SLC25A12: variants seen among roughly 807,000 people sequenced by gnomAD.
SLC25A12 encodes solute carrier family 25 member 12, also known as electrogenic aspartate/glutamate antiporter SLC25A12, mitochondrial.
A neutral mutation model predicts 83.3 loss-of-function variants in SLC25A12; 32 were observed. That is an observed-to-expected ratio of 0.38 (90% confidence interval 0.29 to 0.52). The LOEUF (loss-of-function observed/expected upper bound fraction) is 0.52, where lower values mean the gene tolerates loss of function less well. Among genes scored for constraint, SLC25A12 ranks in the 20% least tolerant of loss-of-function variants. The pLI is 0.84. For synonymous variants in SLC25A12, 267 were observed against 291.1 expected (o/e 0.92, Z 0.84); for missense variants, 611 against 835.6 (o/e 0.73, Z 3.31).
intron 13 of SLC25A12, among the ~76,000 whole-genome samples, chr2:171,807,188 G>A (rs756337941): frequency 1.2e-4 from 19 of 152,138 alleles, no homozygotes; most frequent in African/African-American, 3.4e-4. Flanking sequence ...AGCAGAAAAC[G>A]TTTGTGGTGA....
intron 4 of SLC25A12, among the ~76,000 whole-genome samples, chr2:171,850,488 G>A (rs947496935): frequency 2.6e-5 from 4 of 151,952 alleles, no homozygotes; most frequent in African/African-American, 9.7e-5. Context: ...TGGGATTACA[G>A]GCATGCACCA....
At chr2:171,869,755 A>G (rs1685419465) in intron 2 of SLC25A12, among the ~76,000 whole-genome samples, 2 of 152,244 alleles carry the variant, frequency 1.3e-5, no homozygotes, top group South Asian at 4.1e-4. Flanking sequence ...CAGTCAACCA[A>G]CAAAGCAGTA....
At chr2:171,864,833 G>A (rs1218542669) in intron 3 of SLC25A12, among the ~76,000 whole-genome samples, 1 of 152,084 alleles carries the variant, frequency 6.6e-6, no homozygotes, top group Non-Finnish European at 1.5e-5. Flanking sequence ...TTTCAGAAGT[G>A]TTACTTTTTT....
intron 13 of SLC25A12, among the ~76,000 whole-genome samples, chr2:171,796,231 G>A (rs1471941827): frequency 6.6e-6 from 1 of 152,218 alleles, no homozygotes; most frequent in Non-Finnish European, 1.5e-5. Flanking sequence ...ACAGGCGTGA[G>A]CCACTGCACC....
At chr2:171,789,270 C>G (rs934340078) in intron 15 of SLC25A12, among the ~76,000 whole-genome samples, 1 of 152,102 alleles carries the variant, frequency 6.6e-6, no homozygotes, top group Non-Finnish European at 1.5e-5. Context: ...ACTCTGTCGC[C>G]CAGGCTGGAG....
intron 2 of SLC25A12, among the ~76,000 whole-genome samples, chr2:171,878,117 C>G (rs755035879): frequency 6.6e-6 from 1 of 152,058 alleles, no homozygotes; most frequent in Non-Finnish European, 1.5e-5. Flanking sequence ...AGGCACTATG[C>G]CTGGTGCCTG....
intron 11 of SLC25A12, among the ~76,000 whole-genome samples, chr2:171,810,570 GTCTTC>G: frequency 6.6e-6 from 1 of 152,162 alleles, no homozygotes; most frequent in Non-Finnish European, 1.5e-5. Flanking sequence ...GGAGCCATGC[GTCTTC>G]TCTATTCTGG....
intron 5 of SLC25A12, among the ~76,000 whole-genome samples, chr2:171,841,022 T>C (rs1256039871): frequency 6.6e-6 from 1 of 152,228 alleles, no homozygotes; most frequent in East Asian, 1.9e-4. Context: ...CCTACTAGAA[T>C]TCAATAACCA....
At chr2:171,877,650 C>A (rs1487392503) in intron 2 of SLC25A12, among the ~76,000 whole-genome samples, 2 of 145,304 alleles carry the variant, frequency 1.4e-5, no homozygotes, top group African/African-American at 2.5e-5. Flanking sequence ...GCCTGGGCGA[C>A]CAGAAGAAGA....
At chr2:171,808,537 T>G (rs1334582873) in intron 13 of SLC25A12, among the ~76,000 whole-genome samples, 1 of 152,244 alleles carries the variant, frequency 6.6e-6, no homozygotes, top group Non-Finnish European at 1.5e-5. Flanking sequence ...CATCTCACAC[T>G]TGTTTTAAAG....
chr2:171,809,143 T>A (rs1683900567), intron 13 of SLC25A12, among the ~76,000 whole-genome samples: 1 of 152,224 alleles, frequency 6.6e-6, no homozygotes. Flanking sequence ...TTTGCTATTG[T>A]GAATAGTGCC....
At chr2:171,874,357 A>C (rs577741028) in intron 2 of SLC25A12, among the ~76,000 whole-genome samples, 84 of 152,336 alleles carry the variant, frequency 5.5e-4, no homozygotes, top group African/African-American at 1.9e-3. Context: ...GCACCAATGC[A>C]CTCCAGCCTG....
rs750317244 is a variant in SLC25A12 at position 171,810,280 on chromosome 2, G to C, written c.1172-4C>G. 4 of 1,612,568 alleles carry C rather than the reference G, an allele frequency of 2.5e-6. No individual in the cohort carries two copies. The highest frequency in any genetic ancestry group is 3.4e-6 in the Non-Finnish European group (4 of 1,178,722). The stretch of plus-strand genomic sequence containing the variant: ...CCTATAAGTTGTGGTATCAGACCTA[G>C]GTAAAGGGACAGAATCATCAGCAAT... On this transcript the variant is annotated splice_polypyrimidine_tract_variant and splice_region_variant and intron_variant, in intron 11 of 17. Coordinates refer to ENST00000422440, the MANE Select transcript of SLC25A12 (RefSeq NM_003705.5).
At chr2:171,871,665 AAGTT>A in intron 2 of SLC25A12, 1 of 952,952 alleles carries the variant, frequency 1.0e-6, no homozygotes, top group Non-Finnish European at 1.2e-6. Context: ...TCCCTGTCCC[AAGTT>A]AGTTCCTCTC....
At position 171,803,506 on chromosome 2, in the gene SLC25A12, C is replaced by T. The variant is rs554808514; in HGVS notation, c.1305+6100G>A. 2.6e-5 allele frequency among the ~76,000 whole-genome samples: 4 copies of T among 152,182 alleles called. No individual in the cohort carries two copies. In the South Asian group the frequency reaches 6.2e-4, roughly 24 times the overall value. On this transcript the variant is annotated intron_variant, in intron 13 of 17. Coordinates refer to ENST00000422440, the MANE Select transcript of SLC25A12 (RefSeq NM_003705.5). ...TAGACATTTTTTCAAAGAAGATATA[C>T]AAGTGGTCAATATGCACACAAAAAG...
chr2:171,822,182 T>C (rs973033565), intron 9 of SLC25A12, among the ~76,000 whole-genome samples: 3 of 152,170 alleles, frequency 2.0e-5, no homozygotes, highest in Non-Finnish European at 2.9e-5. Flanking sequence ...TAGATGAGGG[T>C]AGATTAAGCA....
intron 14 of SLC25A12, among the ~76,000 whole-genome samples, chr2:171,792,993 C>T (rs1463147470): frequency 2.6e-5 from 4 of 152,126 alleles, no homozygotes; most frequent in African/African-American, 9.7e-5. Context: ...AATATTCTTC[C>T]TTGTTTAAGA....
chr2:171,877,365 C>A (rs1329613102), intron 2 of SLC25A12, among the ~76,000 whole-genome samples: 1 of 152,122 alleles, frequency 6.6e-6, no homozygotes, highest in African/African-American at 2.4e-5. Flanking sequence ...CCTTAAGTGA[C>A]CTTTAGGATG....
intron 9 of SLC25A12, among the ~76,000 whole-genome samples, chr2:171,824,906 T>C (rs1374041277): frequency 6.6e-6 from 1 of 151,896 alleles, no homozygotes; most frequent in Non-Finnish European, 1.5e-5. Context: ...TGGGCTCAGG[T>C]GATTCTCCCT....
Sources: allele counts gnomAD v4.1 joint callset (sites outside exome capture counted in the v4.1 genomes callset), GRCh38; gene constraint gnomAD v4.1.1; transcripts MANE v1.5; gene names NCBI Gene and HGNC (gene_info 2026-07-23, HGNC 2026-07-21).